The following ADRA1B variants were observed in gnomAD, a reference collection of about 807,000 sequenced individuals.
ADRA1B encodes alpha-1B adrenergic receptor.
In ADRA1B, 17 loss-of-function variants were observed where a neutral mutation model predicts 17.9. The ratio of observed to expected loss-of-function variants is 0.95; its 90% confidence interval spans 0.65 to 1.42. The LOEUF (loss-of-function observed/expected upper bound fraction) is 1.42. Ranked by LOEUF, ADRA1B falls within the 40% of genes most tolerant of loss-of-function variation. ADRA1B has a pLI of 0.00. For synonymous variants in ADRA1B, 366 were observed against 327.6 expected, an observed-to-expected ratio of 1.12 and a Z score of -1.27; for missense variants, 681 against 722.1, an observed-to-expected ratio of 0.94 and a Z score of 0.65.
chr5:159,908,328 G>C (rs1323677813), intron 1 of ADRA1B, among the ~76,000 whole-genome samples: 1 of 152,196 alleles, frequency 6.6e-6, no homozygotes, highest in African/African-American at 2.4e-5. Context: ...GCTATGGTTT[G>C]AATATGGTTT....
chr5:159,895,673 A>G lies in ADRA1B; in HGVS notation c.-255-20446A>G, dbSNP rs546999663. Among the ~76,000 whole-genome samples the G allele has an allele frequency of 2.6e-5, 4 of 151,980 alleles. No individual in the cohort carries two copies. In the East Asian group the frequency reaches 5.8e-4, roughly 22 times the overall value. On this transcript the variant is annotated intron_variant, in intron 1 of 2. Coordinates refer to the ADRA1B transcript ENST00000641205. Reference sequence around the variant, plus strand: ...ACTCCTGGACTTGTAAAAGTTGAAGAAAAAAAAAGATCATTCCCATCCTCC... The same window carrying G: ...ACTCCTGGACTTGTAAAAGTTGAAGGAAAAAAAAGATCATTCCCATCCTCC...
At chr5:159,937,733 C>T (rs577791363) in intron 1 of ADRA1B, 15 of 152,244 alleles carry the variant, frequency 9.9e-5, no homozygotes, top group Non-Finnish European at 1.9e-4. Flanking sequence ...CAGGGGTGAG[C>T]CACCATGCCT....
At chr5:159,983,018 T>A in the ADRA1B span, among the ~76,000 whole-genome samples, 2 of 152,222 alleles carry the variant, frequency 1.3e-5, no homozygotes, top group Non-Finnish European at 2.9e-5. Flanking sequence ...GATGTTCAGT[T>A]AATCCTGCTG....
intron 1 of ADRA1B, among the ~76,000 whole-genome samples, chr5:159,955,985 G>A (rs554310820): frequency 1.3e-5 from 2 of 152,314 alleles, no homozygotes; most frequent in South Asian, 2.1e-4. Context: ...GCTCCTGCGT[G>A]TAATCCCAGC....
rs538528227 is a variant in ADRA1B at position 159,917,301 on chromosome 5, C to G, written c.396C>G (p.Ser132=). The change falls in exon 1 of 2, where the codon TCC becomes TCG. Residue 132 remains serine (S), a synonymous_variant. Transcript: ENST00000306675. ...TGGATGTCCTGTGCTGCACAGCGTCCATTCTGAGCCTGTGCGCCATCTCCA... is the reference window on the plus strand; with the variant it reads ...TGGATGTCCTGTGCTGCACAGCGTCGATTCTGAGCCTGTGCGCCATCTCCA... The part of the protein sequence containing the change: ...AAVDVLCCTA[S]ILSLCAISID... The G allele has an allele frequency of 1.9e-6, 3 of 1,614,086 alleles. No individual in the cohort carries two copies. The highest frequency in any genetic ancestry group is 2.5e-6 in the Non-Finnish European group (3 of 1,180,030).
chr5:159,980,128 G>T, the ADRA1B span, among the ~76,000 whole-genome samples: 2 of 152,030 alleles, frequency 1.3e-5, no homozygotes, highest in Non-Finnish European at 2.9e-5. Flanking sequence ...GGCTAGGAGG[G>T]TGGTTAGGGG....
intron 1 of ADRA1B, among the ~76,000 whole-genome samples, chr5:159,891,366 C>T (rs1367069402): frequency 1.3e-5 from 2 of 152,312 alleles, no homozygotes; most frequent in Middle Eastern, 3.4e-3. Context: ...CACCACTCTT[C>T]CCCATCTCAA....
chr5:159,880,588 G>A (rs1171125318), intron 1 of ADRA1B, among the ~76,000 whole-genome samples: 1 of 152,180 alleles, frequency 6.6e-6, no homozygotes, highest in Non-Finnish European at 1.5e-5. Flanking sequence ...ATTCAGCCCC[G>A]TGGTAGGAGA....
At chr5:159,870,817 C>A (rs1230821528) in intron 1 of ADRA1B, 1 of 152,216 alleles carries the variant, frequency 6.6e-6, no homozygotes, top group African/African-American at 2.4e-5. Context: ...CCTTGAAAAT[C>A]CCTTATGAGA....
At position 159,939,308 on chromosome 5, in the gene ADRA1B, TGTGTGTGTGTGTGTGCGC is replaced by T. The variant is rs1253715387; in HGVS notation, c.949+21456_949+21473del. ...GTGTGTGTGTGTGTGTGTGTGTGTG[TGTGTGTGTGTGTGTGCGC>T]GCGCGCGCGCACACAATGCACTGAG... On this transcript the variant is annotated intron_variant, in intron 1 of 1. Transcript: ENST00000306675. 1.1e-3 allele frequency among the ~76,000 whole-genome samples: 157 copies of T among 141,460 alleles called. 1 individual carries two copies. The highest frequency in any genetic ancestry group is 4.1e-3 in the African/African-American group (154 of 37,528). 92.8% of individuals were successfully genotyped at this position (141,460 alleles called of 152,430 possible).
chr5:159,957,442 C>T lies in ADRA1B; in HGVS notation c.950-14437C>T, dbSNP rs1014642646. On this transcript the variant is annotated intron_variant, in intron 1 of 1. Transcript: ENST00000306675. ...ATCACTTGAGCCCAGGAGGTGGAGGCTGCAGTGAGCTGAGATCATGCAACT... is the reference window on the plus strand; with the variant it reads ...ATCACTTGAGCCCAGGAGGTGGAGGTTGCAGTGAGCTGAGATCATGCAACT... Among the ~76,000 whole-genome samples, 11 of 149,506 alleles carry T rather than the reference C, an allele frequency of 7.4e-5. 1 individual carries two copies. In the East Asian group the frequency reaches 2.0e-3, roughly 27 times the overall value.
chr5:159,960,866 C>T (rs534545280), intron 1 of ADRA1B, among the ~76,000 whole-genome samples: 1 of 152,334 alleles, frequency 6.6e-6, no homozygotes, highest in African/African-American at 2.4e-5. Flanking sequence ...ATTCATGCAA[C>T]ACCTGCTGGC....
chr5:159,918,791 A>T (rs1159234719), intron 1 of ADRA1B, among the ~76,000 whole-genome samples: 2 of 152,248 alleles, frequency 1.3e-5, no homozygotes, highest in Non-Finnish European at 2.9e-5. Context: ...CATCTGTCAC[A>T]TGCTGTCCAC....
At position 159,972,810 on chromosome 5, in the gene ADRA1B, CTG is replaced by C. The variant is rs202079693; in HGVS notation, c.*321_*322del. Among the ~76,000 whole-genome samples, 57 of 152,288 alleles carry C rather than the reference CTG, an allele frequency of 3.7e-4. 1 individual carries two copies. The East Asian group carries it at 9.9e-3, about 26-fold the overall frequency. ...TAACCGTGGGTGCACGTGAGTGTGA[CTG>C]TGCGGTGTGCGTGTGTTCCGCTTGT... On this transcript the variant is annotated 3_prime_UTR_variant, in exon 2 of 2. Coordinates refer to ENST00000306675, the MANE Select transcript of ADRA1B (RefSeq NM_000679.4).
intron 1 of ADRA1B, among the ~76,000 whole-genome samples, chr5:159,874,841 C>T (rs566598923): frequency 1.3e-5 from 2 of 152,284 alleles, no homozygotes; most frequent in South Asian, 2.1e-4. Context: ...TAGAGGGCCC[C>T]GTTTGAATTT....
At chr5:159,951,575 G>C (rs6884129) in intron 1 of ADRA1B, 52,951 of 497,502 alleles carry the variant, frequency 0.11, 3,150 homozygotes, top group East Asian at 0.19. Flanking sequence ...AGAGCCCCTA[G>C]TGGAGAATTT....
intron 1 of ADRA1B, among the ~76,000 whole-genome samples, chr5:159,904,020 C>T (rs376678728): frequency 5.3e-5 from 8 of 152,154 alleles, no homozygotes; most frequent in Non-Finnish European, 8.8e-5. Context: ...AAGCATTTGC[C>T]GAAATGTTAA....
At chr5:159,950,036 T>G (rs1488800698) in intron 1 of ADRA1B, among the ~76,000 whole-genome samples, 1 of 152,200 alleles carries the variant, frequency 6.6e-6, no homozygotes, top group Non-Finnish European at 1.5e-5. Flanking sequence ...CTGCTCTGAA[T>G]GCTGTTGTGC....
intron 1 of ADRA1B, among the ~76,000 whole-genome samples, chr5:159,895,840 G>A (rs1449267395): frequency 6.6e-6 from 1 of 152,242 alleles, no homozygotes; most frequent in African/African-American, 2.4e-5. Context: ...TCCCGGGCCA[G>A]GTGAGGTGGC....
Sources: allele counts gnomAD v4.1 joint callset (sites outside exome capture counted in the v4.1 genomes callset), GRCh38; gene constraint gnomAD v4.1.1; transcripts MANE v1.5; gene names NCBI Gene and HGNC (gene_info 2026-07-23, HGNC 2026-07-21).